UGGT2: variants seen among roughly 807,000 people sequenced by gnomAD.
UGGT2 encodes the protein UDP-glucose:glycoprotein glucosyltransferase 2.
Under a neutral mutation model 192.1 loss-of-function variants are expected in UGGT2, and 180 were observed. The observed-to-expected ratio is 0.94, with a 90% confidence interval of 0.83 to 1.06. The LOEUF (loss-of-function observed/expected upper bound fraction) is 1.06. Ranked by LOEUF, UGGT2 falls within the 50% of genes least tolerant of loss-of-function variation. The pLI is 0.00. For synonymous variants in UGGT2, 580 were observed against 591.0 expected (o/e 0.98, Z 0.27); for missense variants, 1,849 against 1,795.7 (o/e 1.03, Z -0.54).
At chr13:95,934,541 A>T (rs553221333) in intron 17 of UGGT2, among the ~76,000 whole-genome samples, 7 of 152,274 alleles carry the variant, frequency 4.6e-5, no homozygotes, top group Non-Finnish European at 1.0e-4. Flanking sequence ...CTTGAATATA[A>T]ATGGCCTACA....
intron 10 of UGGT2, among the ~76,000 whole-genome samples, chr13:95,973,764 C>T (rs1022745385): frequency 3.9e-5 from 6 of 152,188 alleles, no homozygotes; most frequent in African/African-American, 1.2e-4. Flanking sequence ...GATCTTTCTA[C>T]TTATTAGCTG....
chr13:96,030,549 C>T (rs752477322), intron 2 of UGGT2, among the ~76,000 whole-genome samples: 1 of 152,204 alleles, frequency 6.6e-6, no homozygotes, highest in African/African-American at 2.4e-5. Context: ...CACAAAATCA[C>T]TGAACTTCAA....
At chr13:95,943,692 T>C (rs139906764) in intron 15 of UGGT2, among the ~76,000 whole-genome samples, 1 of 152,054 alleles carries the variant, frequency 6.6e-6, no homozygotes, top group African/African-American at 2.4e-5. Flanking sequence ...TCACAATCAA[T>C]GGATTCTTTT....
intron 38 of UGGT2, among the ~76,000 whole-genome samples, chr13:95,805,354 A>C: frequency 6.6e-6 from 1 of 152,042 alleles, no homozygotes; most frequent in African/African-American, 2.4e-5. Flanking sequence ...TGGGAGTGTA[A>C]AATAATGCAA....
intron 12 of UGGT2, among the ~76,000 whole-genome samples, chr13:95,961,063 T>C (rs1161550702): frequency 2.0e-5 from 3 of 152,238 alleles, no homozygotes; most frequent in Middle Eastern, 3.4e-3. Flanking sequence ...AGTGAAAGAA[T>C]GGTATCTACC....
In UGGT2 at chr13:95,931,013, G is replaced by C. The variant is rs998170003; in HGVS notation, c.1978-3677C>G. Among the ~76,000 whole-genome samples, 6 of 152,162 alleles carry C rather than the reference G, an allele frequency of 3.9e-5. 1 individual carries two copies. Among genetic ancestry groups the C allele is most frequent in the Admixed American group, 3.9e-4 (6 of 15,278 alleles). On this transcript the variant is annotated intron_variant, in intron 17 of 38. Coordinates refer to ENST00000376747, the MANE Select transcript of UGGT2 (RefSeq NM_020121.4). ...GGGACCCAAGCGGGTTGCCACGGCT[G>C]GCTTGGGCAGCCTGCTTTTATTCCC...
intron 20 of UGGT2, among the ~76,000 whole-genome samples, chr13:95,903,394 C>T (rs2048169258): frequency 6.6e-6 from 1 of 152,182 alleles, no homozygotes; most frequent in Non-Finnish European, 1.5e-5. Context: ...ATCCTGGTCA[C>T]TGGCACTGCC....
At chr13:95,999,181 T>C in intron 6 of UGGT2, 30 bp downstream of exon 6, 1 of 1,582,166 alleles carries the variant, frequency 6.3e-7, no homozygotes, top group Non-Finnish European at 8.7e-7. Flanking sequence ...AACTTTTCAT[T>C]CTACTCAAGT....
Position 95,983,832 on chromosome 13 carries a change from A to G in UGGT2, c.1064T>C (p.Met355Thr), listed in dbSNP as rs960484967. 1 of 1,569,354 alleles carries G rather than the reference A, an allele frequency of 6.4e-7. No homozygotes were observed. Residue 355 changes from methionine to threonine, a missense_variant, in exon 10 of 39, where the codon ATG becomes ACG. Transcript: ENST00000376747. The part of the protein sequence containing the change: ...SLTRIAVNQH[M>T]REEIKENQKD... Reference sequence around the variant, plus strand: ...TTGATTTTCCTTTATTTCTTCTCTCATATGTTGATTTACAGCAATTCTGGT... The same window carrying G: ...TTGATTTTCCTTTATTTCTTCTCTCGTATGTTGATTTACAGCAATTCTGGT...
In UGGT2 at chr13:95,900,916, T is replaced by C. The variant is rs2048087262; in HGVS notation, c.2525A>G (p.Glu842Gly). ...CACTCCAACAGTATTATATTTTTTC[T>C]CAAAAGCATTCTTATCCATCCCCTA... ...LIEGMDKNAF[E>G]KKYNTVGVNI... The change falls in exon 22 of 39, where the codon GAG (glutamate) becomes GGG (glycine). Residue 842 changes from glutamate (E) to glycine (G), a missense_variant. Physicochemically the swap from Glu to Gly is moderately conservative, Grantham distance 98. Coordinates refer to ENST00000376747, the MANE Select transcript of UGGT2 (RefSeq NM_020121.4). 1.3e-6 allele frequency: 2 copies of C among 1,598,116 alleles called. No homozygotes were observed. Among genetic ancestry groups the C allele is most frequent in the Non-Finnish European group, 1.7e-6 (2 of 1,174,414 alleles).
intron 22 of UGGT2, 116 bp from the exon 23 acceptor site, chr13:95,895,420 A>C: frequency 1.6e-6 from 1 of 621,804 alleles, no homozygotes; most frequent in African/African-American, 1.9e-5. Flanking sequence ...TAGAGATTAA[A>C]GATATGGTAG....
chr13:95,944,232 G>C (rs1368506040), intron 15 of UGGT2, among the ~76,000 whole-genome samples: 1 of 151,944 alleles, frequency 6.6e-6, no homozygotes, highest in Non-Finnish European at 1.5e-5. Context: ...GTCAGGCTTT[G>C]ACATCAGATT....
At chr13:95,929,915 G>A (rs1250001555) in intron 17 of UGGT2, among the ~76,000 whole-genome samples, 2 of 152,208 alleles carry the variant, frequency 1.3e-5, no homozygotes, top group Non-Finnish European at 2.9e-5. Flanking sequence ...GTGTATATGC[G>A]TTCCCCTTCC....
rs188403338 is a variant in UGGT2, at chr13:95,856,750, A to G, written c.3826-410T>C. On this transcript the variant is annotated intron_variant, in intron 33 of 38. Transcript: ENST00000376747. ...TGGTTGGTCAGAGATGTAAAGATGA[A>G]GAGAGGATACAAAAAACACAAAATA... is the stretch of plus-strand genomic sequence containing the variant. The G allele has an allele frequency of 9.1e-4, 306 of 335,294 alleles. 5 individuals carry two copies. Among genetic ancestry groups the G allele is most frequent in the South Asian group, 4.5e-3 (182 of 40,232 alleles). 20.8% of individuals were successfully genotyped at this position (335,294 alleles called of 1,614,324 possible).
intron 27 of UGGT2, 88 bp downstream of exon 27, chr13:95,884,403 G>A: frequency 9.6e-7 from 1 of 1,043,630 alleles, no homozygotes; most frequent in Non-Finnish European, 1.3e-6. Context: ...AACATTCATA[G>A]TATGATTGCT....
At chr13:95,991,980 T>C (rs2051472368) in intron 7 of UGGT2, among the ~76,000 whole-genome samples, 1 of 152,084 alleles carries the variant, frequency 6.6e-6, no homozygotes, top group Admixed American at 6.5e-5. Context: ...CTGGCTAACA[T>C]GGTGAAACCC....
intron 4 of UGGT2, among the ~76,000 whole-genome samples, chr13:96,016,127 A>G (rs897098144): frequency 2.0e-5 from 3 of 152,340 alleles, no homozygotes; most frequent in South Asian, 2.1e-4. Context: ...TTCTAACAAC[A>G]TATGTTCAGA....
At chr13:95,855,195 A>G (rs1889473789) in intron 34 of UGGT2, among the ~76,000 whole-genome samples, 1 of 143,794 alleles carries the variant, frequency 7.0e-6, no homozygotes, top group African/African-American at 2.6e-5. Context: ...CTGAGGTGGG[A>G]GGATGGCTCG....
At position 96,045,952 on chromosome 13, in the gene UGGT2, C is replaced by T. The variant is rs141671563; in HGVS notation, c.158+7203G>A. Among the ~76,000 whole-genome samples, 775 of 152,156 alleles carry T rather than the reference C, an allele frequency of 5.1e-3. 11 individuals carry two copies. Among genetic ancestry groups the T allele is most frequent in the African/African-American group, 0.018 (744 of 41,508 alleles). On this transcript the variant is annotated intron_variant, in intron 1 of 38. Transcript: ENST00000376747. ...ATTCAATGCAATTCCCATCAAAATACCACCATCATTCTTCACAAAACTAGA... is the reference window on the plus strand; with the variant it reads ...ATTCAATGCAATTCCCATCAAAATATCACCATCATTCTTCACAAAACTAGA...
Sources: gnomAD v4.1 joint callset for allele counts (sites outside exome capture counted in the v4.1 genomes callset) on GRCh38, gnomAD v4.1.1 for gene constraint, MANE v1.5 for transcripts, NCBI Gene and HGNC (gene_info 2026-07-23, HGNC 2026-07-21) for gene names.